Variants in EHBP1 observed in about 807,000 individuals in gnomAD.
EHBP1 encodes EH domain-binding protein 1.
A neutral mutation model predicts 144.0 loss-of-function variants in EHBP1; 55 were observed. The observed-to-expected ratio is 0.38, with a 90% CI of 0.31 to 0.48. The LOEUF (loss-of-function observed/expected upper bound fraction) is 0.48, where lower values mean the gene tolerates loss of function less well. Among genes scored for constraint, EHBP1 ranks in the 20% least tolerant of loss-of-function variants. The pLI is 0.98. For missense variants in EHBP1, 1,200 were observed against 1,364.2 expected (o/e 0.88, Z 1.90); for synonymous variants, 469 against 472.7 (o/e 0.99, Z 0.10).
At chr2:63,041,666 A>G (rs558367327) in intron 21 of EHBP1, among the ~76,000 whole-genome samples, 7 of 152,334 alleles carry the variant, frequency 4.6e-5, no homozygotes, top group East Asian at 3.9e-4. Context: ...ACAGTCTTCC[A>G]TAGATTGATT....
intron 8 of EHBP1, 113 bp from the exon 9 acceptor site, chr2:62,864,618 C>A: frequency 9.9e-7 from 1 of 1,005,568 alleles, no homozygotes; most frequent in Non-Finnish European, 1.4e-6. Context: ...TGCTCTTTCT[C>A]AGCCCCATAG....
intron 10 of EHBP1, among the ~76,000 whole-genome samples, chr2:62,896,433 G>A (rs1184663714): frequency 6.6e-6 from 1 of 152,102 alleles, no homozygotes; most frequent in African/African-American, 2.4e-5. Flanking sequence ...TTAAGTTAGT[G>A]TATGTATGTA....
chr2:62,920,760 T>C (rs1429221254), intron 10 of EHBP1, among the ~76,000 whole-genome samples: 7 of 152,146 alleles, frequency 4.6e-5, no homozygotes, highest in African/African-American at 1.7e-4. Flanking sequence ...CCTTCTGGGT[T>C]CAGGCAATTC....
At chr2:62,915,085 A>G (rs1438504966) in intron 10 of EHBP1, among the ~76,000 whole-genome samples, 2 of 151,998 alleles carry the variant, frequency 1.3e-5, no homozygotes, top group Non-Finnish European at 2.9e-5. Flanking sequence ...CTAGATCGGC[A>G]TTTCCCTTTC....
At chr2:62,775,623 T>C (rs2042004187) in intron 5 of EHBP1, among the ~76,000 whole-genome samples, 1 of 152,202 alleles carries the variant, frequency 6.6e-6, no homozygotes, top group Admixed American at 6.5e-5. Context: ...AATATCCCAA[T>C]AAAACAGAAG....
rs370518632 is a variant in EHBP1 at position 62,917,322 on chromosome 2, T to C, written c.1186-25396T>C. Among the ~76,000 whole-genome samples the C allele has an allele frequency of 4.9e-4, 74 of 152,262 alleles. 1 individual carries two copies. The highest frequency in any genetic ancestry group is 1.6e-3 in the African/African-American group (66 of 41,566). ...ATGAATGAATAAATGAATGAATGAA[T>C]GAAAAGATACAGTAAAAATACAGTA... On this transcript the variant is annotated intron_variant, in intron 10 of 22. Coordinates refer to ENST00000431489, the MANE Select transcript of EHBP1 (RefSeq NM_001142616.3).
Position 62,835,605 on chromosome 2 carries a change from CAGACAGTGGGCGCA to C in EHBP1, c.634+4448_634+4461del, listed in dbSNP as rs1452380593. Among the ~76,000 whole-genome samples, 19 of 152,244 alleles carry C rather than the reference CAGACAGTGGGCGCA, an allele frequency of 1.2e-4. No individual in the cohort carries two copies. The East Asian group carries it at 3.3e-3, about 26-fold the overall frequency. On this transcript the variant is annotated intron_variant, in intron 7 of 22. Coordinates refer to ENST00000431489, the MANE Select transcript of EHBP1 (RefSeq NM_001142616.3). ...CTGGGTGCATCTCACTAGGGAGTGC[CAGACAGTGGGCGCA>C]GGCCAGTGGGTGCGCGCACCGTGCG...
intron 19 of EHBP1, among the ~76,000 whole-genome samples, chr2:63,031,322 A>G (rs1483833786): frequency 6.6e-6 from 1 of 152,154 alleles, no homozygotes. Flanking sequence ...CTGTAAGGGA[A>G]GCTTACAATT....
At chr2:62,746,815 G>A (rs148460465) in intron 2 of EHBP1, among the ~76,000 whole-genome samples, 1 of 152,108 alleles carries the variant, frequency 6.6e-6, no homozygotes, top group African/African-American at 2.4e-5. Flanking sequence ...TTCTGCCAGA[G>A]CTTTTGATTA....
rs74717002 is a variant in EHBP1 at position 62,948,675 on chromosome 2, G to T, written c.1829G>T (p.Arg610Leu). The T allele has an allele frequency of 6.2e-7, 1 of 1,613,908 alleles. No individual in the cohort carries two copies. Among genetic ancestry groups the T allele is most frequent in the East Asian group, 2.2e-5 (1 of 44,828 alleles). The change falls in exon 13 of 23, where the codon CGC becomes CTC. Residue 610 changes from arginine to leucine, a missense_variant. Coordinates refer to ENST00000431489, the MANE Select transcript of EHBP1 (RefSeq NM_001142616.3). ...LSPSTASPYC[R>L]RTKSDTEPQK... ...CCAAGCACAGCCTCCCCTTACTGTC[G>T]CAGGACTAAAAGTGACACAGAACCC...
chr2:62,938,467 A>G (rs1436847502), intron 10 of EHBP1, among the ~76,000 whole-genome samples: 4 of 152,204 alleles, frequency 2.6e-5, no homozygotes, highest in Non-Finnish European at 5.9e-5. Context: ...AATTTAAGAA[A>G]ATTTGCAAGT....
At chr2:62,845,009 G>C (rs2048189362) in intron 7 of EHBP1, among the ~76,000 whole-genome samples, 1 of 151,916 alleles carries the variant, frequency 6.6e-6, no homozygotes, top group Non-Finnish European at 1.5e-5. Flanking sequence ...GACAACTTGG[G>C]TACAAAGTGA....
chr2:62,835,308 C>T (rs2047126699), intron 7 of EHBP1, among the ~76,000 whole-genome samples: 1 of 152,020 alleles, frequency 6.6e-6, no homozygotes, highest in South Asian at 2.1e-4. Flanking sequence ...TTCCACCCAT[C>T]CCTTACATGT....
chr2:63,036,367 G>A (rs942953170), intron 19 of EHBP1, among the ~76,000 whole-genome samples: 7 of 151,966 alleles, frequency 4.6e-5, no homozygotes, highest in Non-Finnish European at 1.0e-4. Flanking sequence ...AGCTATCAAT[G>A]TGGTCTCAAG....
At chr2:62,917,512 GAGTT>G (rs1473768084) in intron 10 of EHBP1, among the ~76,000 whole-genome samples, 4 of 152,256 alleles carry the variant, frequency 2.6e-5, no homozygotes, top group African/African-American at 9.6e-5. Context: ...AGTAGTAACA[GAGTT>G]AGGATTCAAA....
intron 10 of EHBP1, among the ~76,000 whole-genome samples, chr2:62,916,075 AC>A (rs1338506582): frequency 6.6e-6 from 1 of 152,180 alleles, no homozygotes; most frequent in Non-Finnish European, 1.5e-5. Context: ...AGTCCCAGAT[AC>A]TTGGGAGGCT....
chr2:62,754,806 C>G (rs1045763642), intron 3 of EHBP1, among the ~76,000 whole-genome samples: 2 of 152,210 alleles, frequency 1.3e-5, no homozygotes, highest in Non-Finnish European at 2.9e-5. Flanking sequence ...GATATAATCT[C>G]CTGGTGTGCC....
intron 7 of EHBP1, among the ~76,000 whole-genome samples, chr2:62,839,736 C>G (rs1218375871): frequency 6.6e-6 from 1 of 152,132 alleles, no homozygotes; most frequent in East Asian, 1.9e-4. Context: ...CTCCCATTCA[C>G]AATTGCTTCA....
chr2:62,691,689 A>G (rs1263642824), intron 1 of EHBP1, among the ~76,000 whole-genome samples: 3 of 152,224 alleles, frequency 2.0e-5, no homozygotes, highest in Non-Finnish European at 4.4e-5. Context: ...GAATGGTGTT[A>G]AACCTAAGTG....
Sources: allele counts gnomAD v4.1 joint callset (sites outside exome capture counted in the v4.1 genomes callset), GRCh38; gene constraint gnomAD v4.1.1; transcripts MANE v1.5; gene names NCBI Gene and HGNC (gene_info 2026-07-23, HGNC 2026-07-21).